SNTG1: variants seen among roughly 807,000 people sequenced by gnomAD.
SNTG1 encodes the protein syntrophin gamma 1, also known as gamma-1-syntrophin.
A neutral mutation model predicts 74.7 loss-of-function variants in SNTG1; 39 were observed. The ratio of observed to expected loss-of-function variants is 0.52; its 90% CI spans 0.40 to 0.68. The LOEUF is 0.68. Ranked by LOEUF, SNTG1 falls within the 30% of genes least tolerant of loss-of-function variation. SNTG1 has a pLI of 0.00. For synonymous variants in SNTG1, 254 were observed against 217.1 expected (o/e 1.17, Z -1.49); for missense variants, 685 against 609.5 (o/e 1.12, Z -1.30).
intron 1 of SNTG1, among the ~76,000 whole-genome samples, chr8:49,962,059 AT>A (rs1810735680): frequency 6.6e-6 from 1 of 152,120 alleles, no homozygotes; most frequent in African/African-American, 2.4e-5. Context: ...TGGGGCTCAG[AT>A]TAGTAGGTTG....
intron 2 of SNTG1, among the ~76,000 whole-genome samples, chr8:50,358,015 A>T (rs2091865118): frequency 6.6e-6 from 1 of 152,040 alleles, no homozygotes; most frequent in African/African-American, 2.4e-5. Context: ...TTAAAAATCC[A>T]AGTCCCAGCT....
At chr8:50,382,033 C>T (rs4873453) in intron 2 of SNTG1, 111,755 of 150,846 alleles carry the variant, frequency 0.74, 41,758 homozygotes, top group East Asian at 0.84. Flanking sequence ...GCTAGGCCGG[C>T]CTCGTCTTTT....
chr8:50,310,733 T>C (rs4873452), intron 2 of SNTG1, among the ~76,000 whole-genome samples: 71,181 of 151,766 alleles, frequency 0.47, 19,217 homozygotes, highest in East Asian at 0.83. Flanking sequence ...AATGTAAGTA[T>C]CCTTTGAAAG....
chr8:50,345,574 G>A (rs2091447272), intron 2 of SNTG1, among the ~76,000 whole-genome samples: 1 of 152,140 alleles, frequency 6.6e-6, no homozygotes, highest in African/African-American at 2.4e-5. Context: ...TTCATAGGGA[G>A]GTGGGTGTAT....
chr8:50,333,301 TA>T, intron 2 of SNTG1, among the ~76,000 whole-genome samples: 1 of 152,362 alleles, frequency 6.6e-6, no homozygotes, highest in African/African-American at 2.4e-5. Context: ...CCATTATTGA[TA>T]AATGTTAATA....
At chr8:50,103,464 A>T (rs985476268) in intron 1 of SNTG1, among the ~76,000 whole-genome samples, 1 of 152,200 alleles carries the variant, frequency 6.6e-6, no homozygotes, top group African/African-American at 2.4e-5. Flanking sequence ...TTTTGGGCTG[A>T]GATGATGGGG....
intron 2 of SNTG1, among the ~76,000 whole-genome samples, chr8:50,213,429 G>A (rs1438264540): frequency 6.6e-6 from 1 of 152,080 alleles, no homozygotes; most frequent in African/African-American, 2.4e-5. Flanking sequence ...TGAGGGGGAT[G>A]TTTTCTGGCA....
Position 50,546,811 on chromosome 8 carries a change from T to C in SNTG1, c.681-6239T>C, listed in dbSNP as rs573478122. Among the ~76,000 whole-genome samples the C allele has an allele frequency of 1.5e-3, 230 of 152,246 alleles. 2 individuals carry two copies. The highest frequency in any genetic ancestry group is 5.3e-3 in the African/African-American group (219 of 41,548). ...TGGACATTTGGGTTGGTTCCAAATCTCACTCTGCCACCCAGGCTGGAGTGC... is the reference window on the plus strand; with the variant it reads ...TGGACATTTGGGTTGGTTCCAAATCCCACTCTGCCACCCAGGCTGGAGTGC... On this transcript the variant is annotated intron_variant, in intron 11 of 18. Coordinates refer to ENST00000642720, the MANE Select transcript of SNTG1 (RefSeq NM_018967.5).
chr8:50,697,230 A>T (rs1301929920), intron 15 of SNTG1, among the ~76,000 whole-genome samples: 1 of 152,062 alleles, frequency 6.6e-6, no homozygotes, highest in Non-Finnish European at 1.5e-5. Context: ...TTTCAACTGC[A>T]TTATTGTTGC....
intron 11 of SNTG1, among the ~76,000 whole-genome samples, 167 bp from the exon 12 acceptor site, chr8:50,552,883 G>A (rs1343605730): frequency 6.6e-6 from 1 of 152,152 alleles, no homozygotes; most frequent in Non-Finnish European, 1.5e-5. Flanking sequence ...TCTATCTTCA[G>A]TGTTTCATTT....
intron 1 of SNTG1, among the ~76,000 whole-genome samples, chr8:49,945,998 G>A (rs1809150401): frequency 6.6e-6 from 1 of 152,138 alleles, no homozygotes; most frequent in South Asian, 2.1e-4. Flanking sequence ...TGCTCTCTAG[G>A]TTTTACTAAC....
chr8:50,128,415 T>G (rs1329704252), intron 1 of SNTG1, among the ~76,000 whole-genome samples: 1 of 152,182 alleles, frequency 6.6e-6, no homozygotes, highest in Non-Finnish European at 1.5e-5. Context: ...AAAGCAATAT[T>G]ACTTTATACG....
chr8:50,008,679 GATA>G (rs1438049250), intron 1 of SNTG1, among the ~76,000 whole-genome samples: 1 of 152,130 alleles, frequency 6.6e-6, no homozygotes, highest in Admixed American at 6.6e-5. Flanking sequence ...GATAATACCA[GATA>G]ATGTTATGCT....
chr8:49,956,482 G>T (rs1302205159), intron 1 of SNTG1, among the ~76,000 whole-genome samples: 1 of 152,172 alleles, frequency 6.6e-6, no homozygotes, highest in Non-Finnish European at 1.5e-5. Context: ...CTGTGAAATT[G>T]GATGGGTCAT....
intron 8 of SNTG1, among the ~76,000 whole-genome samples, chr8:50,498,000 C>G (rs1466390630): frequency 2.6e-5 from 4 of 151,676 alleles, no homozygotes; most frequent in African/African-American, 4.8e-5. Context: ...CTCAGTTTGT[C>G]TACCCATTTA....
At chr8:50,060,275 G>C (rs1176885417) in intron 1 of SNTG1, among the ~76,000 whole-genome samples, 1 of 151,992 alleles carries the variant, frequency 6.6e-6, no homozygotes, top group Non-Finnish European at 1.5e-5. Flanking sequence ...ATCAGATAAA[G>C]CACCATATCA....
chr8:49,929,577 C>CT lies in SNTG1; in HGVS notation c.-103+17347dup, dbSNP rs1807364180. 2.6e-5 allele frequency among the ~76,000 whole-genome samples: 4 copies of CT among 152,324 alleles called. 1 individual carries two copies. The South Asian group carries it at 8.3e-4, about 32-fold the overall frequency. ...AGGCCGGAAGGACGCACCTGGGGGG[C>CT]TGCCCCCCTCCCATCCCAGCCTGTG... On this transcript the variant is annotated intron_variant, in intron 1 of 18. Transcript: ENST00000642720.
At chr8:50,669,564 A>T (rs1337593819) in intron 15 of SNTG1, among the ~76,000 whole-genome samples, 1 of 152,188 alleles carries the variant, frequency 6.6e-6, no homozygotes, top group Non-Finnish European at 1.5e-5. Flanking sequence ...TTACCAACGA[A>T]AAAGAGTCCA....
intron 8 of SNTG1, among the ~76,000 whole-genome samples, chr8:50,469,056 T>C (rs2093631268): frequency 6.6e-6 from 1 of 152,188 alleles, no homozygotes; most frequent in Non-Finnish European, 1.5e-5. Context: ...AGATAGTTTA[T>C]TTACTTGCGT....
Sources: allele counts gnomAD v4.1 joint callset (sites outside exome capture counted in the v4.1 genomes callset), GRCh38; gene constraint gnomAD v4.1.1; transcripts MANE v1.5; gene names NCBI Gene and HGNC (gene_info 2026-07-23, HGNC 2026-07-21).